Variants in IL1RAPL2 observed in about 807,000 individuals in gnomAD.
The protein encoded by IL1RAPL2 is interleukin 1 receptor accessory protein like 2, also known as X-linked interleukin-1 receptor accessory protein-like 2.
A neutral mutation model predicts 44.1 loss-of-function variants in IL1RAPL2; 3 were observed. The observed-to-expected ratio is 0.07, with a 90% CI of 0.03 to 0.18. The LOEUF (loss-of-function observed/expected upper bound fraction) is 0.18. Among genes scored for constraint, IL1RAPL2 ranks in the 10% least tolerant of loss-of-function variants. The pLI is 1.00. For synonymous variants in IL1RAPL2, 181 were observed against 178.8 expected (o/e 1.01, Z -0.10); for missense variants, 391 against 496.4 (o/e 0.79, Z 2.02).
intron 5 of IL1RAPL2, among the ~76,000 whole-genome samples, chrX:105,294,837 G>A (rs1452837177): frequency 8.9e-6 from 1 of 111,847 alleles, no homozygotes; most frequent in African/African-American, 3.2e-5. Flanking sequence ...GTAACCTTGT[G>A]AAGAAGGTGT....
intron 6 of IL1RAPL2, among the ~76,000 whole-genome samples, chrX:105,520,289 A>G (rs955454017): frequency 1.8e-5 from 2 of 112,291 alleles, no homozygotes; most frequent in Admixed American, 1.9e-4. Context: ...TTGTCAATAA[A>G]CTGGTGCCAT....
At chrX:105,491,215 AT>A (rs926688566) in intron 6 of IL1RAPL2, among the ~76,000 whole-genome samples, 8 of 109,753 alleles carry the variant, frequency 7.3e-5, no homozygotes, top group African/African-American at 1.3e-4. Context: ...TTTTATTTTT[AT>A]TTTTTTTTAT....
intron 2 of IL1RAPL2, among the ~76,000 whole-genome samples, chrX:105,086,475 G>A (rs985368577): frequency 1.7e-4 from 19 of 111,312 alleles, no homozygotes; most frequent in Admixed American, 4.8e-4. Flanking sequence ...TGGGGGTGGG[G>A]AATGGGAAAT....
intron 2 of IL1RAPL2, among the ~76,000 whole-genome samples, chrX:104,719,986 A>G (rs1189134109): frequency 9.0e-6 from 1 of 111,565 alleles, no homozygotes; most frequent in African/African-American, 3.3e-5. Flanking sequence ...ATTAAGGTAT[A>G]CAAGAACTGT....
At chrX:105,432,694 G>T (rs1038898376) in intron 5 of IL1RAPL2, among the ~76,000 whole-genome samples, 6 of 111,137 alleles carry the variant, frequency 5.4e-5, no homozygotes, top group African/African-American at 2.0e-4. Flanking sequence ...TTTGTACAAG[G>T]TTATTTGGGG....
intron 6 of IL1RAPL2, among the ~76,000 whole-genome samples, chrX:105,690,272 C>T (rs1026921474): frequency 1.8e-5 from 2 of 111,259 alleles, no homozygotes; most frequent in African/African-American, 3.3e-5. Flanking sequence ...ATCAACTTAA[C>T]GTTTTAAGTT....
chrX:105,307,155 A>C (rs763433069), intron 5 of IL1RAPL2, among the ~76,000 whole-genome samples: 145 of 108,334 alleles, frequency 1.3e-3, no homozygotes, highest in Non-Finnish European at 2.5e-3. Flanking sequence ...TGTCCCCATA[A>C]TCCAATCACT....
At chrX:105,743,256 C>A (rs773257702) in intron 8 of IL1RAPL2, among the ~76,000 whole-genome samples, 1 of 112,010 alleles carries the variant, frequency 8.9e-6, no homozygotes, top group Non-Finnish European at 1.9e-5. Context: ...TCCCTTTCCA[C>A]TAAGAATGAA....
intron 2 of IL1RAPL2, among the ~76,000 whole-genome samples, chrX:105,128,129 G>A: frequency 9.0e-6 from 1 of 110,684 alleles, no homozygotes; most frequent in African/African-American, 3.3e-5. Context: ...AGTGGCTAAG[G>A]AAAGGACATG....
At chrX:105,130,496 C>G (rs1275515868) in intron 2 of IL1RAPL2, among the ~76,000 whole-genome samples, 3 of 111,035 alleles carry the variant, frequency 2.7e-5, no homozygotes, top group Non-Finnish European at 5.7e-5. Context: ...AGGGTAGGGC[C>G]TGATTTTCTG....
chrX:105,257,399 G>A (rs1372707729), intron 4 of IL1RAPL2, among the ~76,000 whole-genome samples: 1 of 111,913 alleles, frequency 8.9e-6, no homozygotes, highest in Admixed American at 9.5e-5. Context: ...CCAATGAGAA[G>A]AATATATATT....
chrX:105,049,282 T>C (rs1255385472), intron 2 of IL1RAPL2, among the ~76,000 whole-genome samples: 1 of 111,444 alleles, frequency 9.0e-6, no homozygotes, highest in African/African-American at 3.3e-5. Context: ...TTTGAAAATA[T>C]TATAATCTTA....
chrX:105,539,572 T>G (rs2147796533), intron 6 of IL1RAPL2, among the ~76,000 whole-genome samples: 1 of 111,850 alleles, frequency 8.9e-6, no homozygotes, highest in African/African-American at 3.2e-5. Flanking sequence ...GTAAGAATCG[T>G]AGAAGAAAAC....
intron 2 of IL1RAPL2, among the ~76,000 whole-genome samples, chrX:104,889,387 C>T (rs1923350554): frequency 8.9e-6 from 1 of 111,961 alleles, no homozygotes; most frequent in South Asian, 3.7e-4. Flanking sequence ...CTCACCAGAG[C>T]TACCTTGGCA....
intron 5 of IL1RAPL2, among the ~76,000 whole-genome samples, chrX:105,359,606 T>G (rs2035233022): frequency 9.0e-6 from 1 of 111,062 alleles, no homozygotes; most frequent in African/African-American, 3.3e-5. Context: ...CTTTTTCTGC[T>G]ACACCATGTT....
chrX:105,756,834 C>A (rs866284385), intron 10 of IL1RAPL2, among the ~76,000 whole-genome samples: 1 of 111,312 alleles, frequency 9.0e-6, no homozygotes, highest in Non-Finnish European at 1.9e-5. Context: ...AGTCATTTTT[C>A]ATTCTTCTGT....
intron 5 of IL1RAPL2, among the ~76,000 whole-genome samples, chrX:105,415,376 CTG>C (rs1406219815): frequency 9.0e-6 from 1 of 111,154 alleles, no homozygotes; most frequent in Non-Finnish European, 1.9e-5. Context: ...GGAAGTCAGA[CTG>C]TGCAAATATT....
chrX:105,719,975 C>T (rs977308043), intron 7 of IL1RAPL2, among the ~76,000 whole-genome samples: 7 of 111,440 alleles, frequency 6.3e-5, no homozygotes, highest in Non-Finnish European at 9.4e-5. Context: ...TTACTGTCAA[C>T]GTATCTGTGT....
intron 5 of IL1RAPL2, among the ~76,000 whole-genome samples, chrX:105,359,006 G>A (rs1446144731): frequency 8.9e-6 from 1 of 112,097 alleles, no homozygotes; most frequent in African/African-American, 3.2e-5. Flanking sequence ...AAGGGGGCTA[G>A]GCTTTTGAAT....
Sources: allele counts gnomAD v4.1 joint callset (sites outside exome capture counted in the v4.1 genomes callset), GRCh38; gene constraint gnomAD v4.1.1; transcripts MANE v1.5; gene names NCBI Gene and HGNC (gene_info 2026-07-23, HGNC 2026-07-21).